The following AFF3 variants were observed in gnomAD, a reference collection of about 807,000 sequenced individuals.
AFF3 encodes the protein ALF transcription elongation factor 3.
Under a neutral mutation model 129.7 loss-of-function variants are expected in AFF3, and 32 were observed. The observed-to-expected ratio is 0.25, with a 90% CI of 0.19 to 0.33. The LOEUF (loss-of-function observed/expected upper bound fraction) is 0.33, where lower values mean the gene tolerates loss of function less well. Among genes scored for constraint, AFF3 ranks in the 10% least tolerant of loss-of-function variants. AFF3 has a pLI of 1.00. For missense variants in AFF3, 1,373 were observed against 1,592.0 expected (o/e 0.86, Z 2.34); for synonymous variants, 644 against 635.4 (o/e 1.01, Z -0.20).
In AFF3 at chr2:99,607,958, T is replaced by C. The variant is rs531755865; in HGVS notation, c.1185-6337A>G. Among the ~76,000 whole-genome samples, 6 of 152,318 alleles carry C rather than the reference T, an allele frequency of 3.9e-5. 1 individual carries two copies. The South Asian group carries it at 1.2e-3, about 32-fold the overall frequency. On this transcript the variant is annotated intron_variant, in intron 13 of 24. Transcript: ENST00000672756. ...TGAAGAGGTTTGCTATTGCTAAGAATTGTCGTCTAAAAAAAAACCCAACTG... is the reference window on the plus strand; with the variant it reads ...TGAAGAGGTTTGCTATTGCTAAGAACTGTCGTCTAAAAAAAAACCCAACTG...
intron 9 of AFF3, among the ~76,000 whole-genome samples, chr2:99,751,315 A>G (rs932686162): frequency 6.6e-6 from 1 of 151,976 alleles, no homozygotes; most frequent in Non-Finnish European, 1.5e-5. Flanking sequence ...CTGGTCTTCA[A>G]CTCTTGACCT....
In AFF3 at chr2:99,755,843, C is replaced by A. The variant is rs73964308; in HGVS notation, c.922-3542G>T. On this transcript the variant is annotated intron_variant, in intron 8 of 24. Coordinates refer to ENST00000672756, the MANE Select transcript of AFF3 (RefSeq NM_001386135.1). The stretch of plus-strand genomic sequence containing the variant: ...ATATCAAATTGCTCTTGAAATTCAA[C>A]ACCCAACACTAGCCACCTTGCAGAC... Among the ~76,000 whole-genome samples the A allele has an allele frequency of 1.5e-3, 235 of 152,304 alleles. 1 individual carries two copies. Among genetic ancestry groups the A allele is most frequent in the African/African-American group, 5.1e-3 (213 of 41,564 alleles).
At chr2:100,077,425 C>G (rs78296390) in intron 4 of AFF3, among the ~76,000 whole-genome samples, 229 of 152,114 alleles carry the variant, frequency 1.5e-3, no homozygotes, top group African/African-American at 5.3e-3. Flanking sequence ...TGGAGCTCCT[C>G]TAGAAGCTGG....
chr2:99,785,494 C>G (rs1235703007), intron 8 of AFF3, among the ~76,000 whole-genome samples: 2 of 152,172 alleles, frequency 1.3e-5, no homozygotes, highest in African/African-American at 4.8e-5. Flanking sequence ...ACTTTACTCT[C>G]TCCTTATTCC....
Position 99,724,724 on chromosome 2 carries a change from G to A in AFF3, c.1091+2353C>T, listed in dbSNP as rs145533347. On this transcript the variant is annotated intron_variant, in intron 11 of 24. Coordinates refer to ENST00000672756, the MANE Select transcript of AFF3 (RefSeq NM_001386135.1). The stretch of plus-strand genomic sequence containing the variant: ...GCATCCTGAATCTCACTCTTTATCC[G>A]TAATGTACTGTACCTCATACCCAAT... Among the ~76,000 whole-genome samples the A allele has an allele frequency of 1.9e-3, 293 of 152,226 alleles. 2 individuals are homozygous for A. Among genetic ancestry groups the A allele is most frequent in the Middle Eastern group, 6.8e-3 (2 of 294 alleles).
chr2:99,995,587 T>C (rs2104628358), intron 7 of AFF3, among the ~76,000 whole-genome samples: 1 of 152,256 alleles, frequency 6.6e-6, no homozygotes, highest in East Asian at 1.9e-4. Context: ...TTAGCCAGGA[T>C]GGTCTCAATC....
chr2:99,971,389 T>C (rs1433606583), intron 7 of AFF3, among the ~76,000 whole-genome samples: 2 of 152,222 alleles, frequency 1.3e-5, no homozygotes, highest in African/African-American at 2.4e-5. Context: ...TTCCCTAAAA[T>C]GATTATAGTT....
chr2:99,744,054 C>G, intron 10 of AFF3, 50 bp downstream of exon 10: 9 of 1,489,064 alleles, frequency 6.0e-6, no homozygotes, highest in Non-Finnish European at 8.4e-6. Context: ...CTGCCCTCTG[C>G]CCCCACCCCC....
intron 4 of AFF3, among the ~76,000 whole-genome samples, chr2:100,026,490 A>C (rs1218870393): frequency 3.3e-5 from 5 of 152,252 alleles, no homozygotes. Context: ...AACAGTGTGG[A>C]GATTCCTTAA....
chr2:100,018,416 G>A (rs1297482856), intron 4 of AFF3, among the ~76,000 whole-genome samples: 1 of 152,148 alleles, frequency 6.6e-6, no homozygotes, highest in Non-Finnish European at 1.5e-5. Flanking sequence ...ATATACTCCA[G>A]TGGGTTTTCG....
At chr2:100,083,412 C>A (rs868016224) in intron 4 of AFF3, among the ~76,000 whole-genome samples, 9 of 152,190 alleles carry the variant, frequency 5.9e-5, no homozygotes, top group Admixed American at 2.0e-4. Flanking sequence ...GGACAGGTCA[C>A]CGCAAGCCCC....
At chr2:100,076,205 G>A (rs76478972) in intron 4 of AFF3, among the ~76,000 whole-genome samples, 3,902 of 152,188 alleles carry the variant, frequency 0.026, 89 homozygotes, top group Middle Eastern at 0.045. Flanking sequence ...CCCGAACTCT[G>A]CCTTATCCTC....
chr2:99,579,583 G>A (rs1677332485), intron 17 of AFF3, among the ~76,000 whole-genome samples: 1 of 151,904 alleles, frequency 6.6e-6, no homozygotes, highest in South Asian at 2.1e-4. Flanking sequence ...AGCCAGGCGT[G>A]GTGGTAGGTG....
intron 4 of AFF3, among the ~76,000 whole-genome samples, chr2:100,060,944 G>A (rs375544567): frequency 1.3e-5 from 2 of 152,114 alleles, no homozygotes; most frequent in African/African-American, 4.8e-5. Context: ...CCTTGTTTTC[G>A]ATGACGTTGA....
At chr2:99,823,128 C>T (rs1291000866) in intron 8 of AFF3, among the ~76,000 whole-genome samples, 1 of 152,154 alleles carries the variant, frequency 6.6e-6, no homozygotes, top group Non-Finnish European at 1.5e-5. Context: ...ACCAGGCTCT[C>T]AATCTGTAAT....
chr2:99,854,958 A>G (rs1017600952), intron 7 of AFF3, among the ~76,000 whole-genome samples: 1 of 152,286 alleles, frequency 6.6e-6, no homozygotes, highest in African/African-American at 2.4e-5. Context: ...AAATAGATGA[A>G]CCTTGAACCT....
chr2:100,119,641 C>A (rs945922361), intron 2 of AFF3, among the ~76,000 whole-genome samples: 2 of 152,248 alleles, frequency 1.3e-5, no homozygotes, highest in African/African-American at 4.8e-5. Flanking sequence ...TGCACACATT[C>A]TCTCATTTGA....
At chr2:99,933,144 A>C (rs374289857) in intron 7 of AFF3, among the ~76,000 whole-genome samples, 8 of 150,176 alleles carry the variant, frequency 5.3e-5, no homozygotes, top group Admixed American at 4.0e-4. Context: ...GTTTCACCGG[A>C]GGTCTTTTTT....
intron 18 of AFF3, among the ~76,000 whole-genome samples, chr2:99,577,664 A>G (rs1476000179): frequency 6.6e-6 from 1 of 152,068 alleles, no homozygotes; most frequent in African/African-American, 2.4e-5. Flanking sequence ...TGACACATAC[A>G]TTTTCCCTAC....
Sources: allele counts gnomAD v4.1 joint callset (sites outside exome capture counted in the v4.1 genomes callset), GRCh38; gene constraint gnomAD v4.1.1; transcripts MANE v1.5; gene names NCBI Gene and HGNC (gene_info 2026-07-23, HGNC 2026-07-21).